Variants in SPSB4 observed in about 807,000 individuals in gnomAD.
SPSB4 encodes the protein splA/ryanodine receptor domain and SOCS box containing 4.
SPSB4 carries 21 observed loss-of-function variants against 20.9 expected under a neutral mutation model. The ratio of observed to expected loss-of-function variants is 1.01; its 90% CI spans 0.71 to 1.45. The LOEUF is 1.45. SPSB4 is among the 40% of genes most tolerant of loss of function. The pLI is 0.00. For missense variants in SPSB4, 399 were observed against 399.2 expected, an observed-to-expected ratio of 1.00 and a Z score of 0.00; for synonymous variants, 207 against 183.8, an observed-to-expected ratio of 1.13 and a Z score of -1.02.
At chr3:141,063,505 AT>A (rs1307707737) in intron 1 of SPSB4, among the ~76,000 whole-genome samples, 1 of 152,016 alleles carries the variant, frequency 6.6e-6, no homozygotes, top group Non-Finnish European at 1.5e-5. Context: ...GTGTATTTTT[AT>A]TTTTAGTTCT....
intron 2 of SPSB4, among the ~76,000 whole-genome samples, chr3:141,110,987 G>A (rs1406178809): frequency 6.6e-6 from 1 of 152,204 alleles, no homozygotes; most frequent in African/African-American, 2.4e-5. Flanking sequence ...ATGTAACAAA[G>A]TGGTTATAGA....
intron 2 of SPSB4, among the ~76,000 whole-genome samples, chr3:141,100,757 G>A (rs1024614058): frequency 1.1e-4 from 17 of 152,172 alleles, no homozygotes; most frequent in East Asian, 3.9e-4. Context: ...GTGGAGAGGC[G>A]GCAGGAGGGG....
chr3:141,139,849 G>A (rs548943215), intron 2 of SPSB4, among the ~76,000 whole-genome samples: 63 of 152,192 alleles, frequency 4.1e-4, no homozygotes, highest in African/African-American at 6.0e-4. Context: ...TCTTTGTGGC[G>A]TTCTCTATTT....
intron 2 of SPSB4, among the ~76,000 whole-genome samples, chr3:141,129,219 T>C (rs1939097253): frequency 6.6e-6 from 1 of 152,216 alleles, no homozygotes; most frequent in Admixed American, 6.5e-5. Flanking sequence ...TGTGGAGGTT[T>C]TGCCCATGCT....
chr3:141,094,925 T>C (rs4683555), intron 2 of SPSB4, among the ~76,000 whole-genome samples: 10,850 of 151,708 alleles, frequency 0.072, 763 homozygotes, highest in Admixed American at 0.22. Context: ...TTCCCTTGTC[T>C]CCGAGACCTC....
chr3:141,053,295 T>C (rs1488153609), intron 1 of SPSB4, among the ~76,000 whole-genome samples: 1 of 151,506 alleles, frequency 6.6e-6, no homozygotes. Context: ...AAACATCCTT[T>C]ACCCAAGGGC....
At chr3:141,145,483 A>G (rs2107809772) in intron 2 of SPSB4, among the ~76,000 whole-genome samples, 1 of 152,234 alleles carries the variant, frequency 6.6e-6, no homozygotes, top group Non-Finnish European at 1.5e-5. Context: ...AAAGTACTTC[A>G]CTGCAGGTTG....
At chr3:141,084,056 G>T (rs59179278) in intron 2 of SPSB4, among the ~76,000 whole-genome samples, 20,389 of 152,162 alleles carry the variant, frequency 0.13, 1,573 homozygotes, top group East Asian at 0.25. Flanking sequence ...ATGGCAGAGC[G>T]AGGTGGATGA....
intron 2 of SPSB4, among the ~76,000 whole-genome samples, chr3:141,130,203 A>G (rs1559855659): frequency 6.6e-6 from 1 of 152,174 alleles, no homozygotes; most frequent in Admixed American, 6.5e-5. Context: ...ACAGATGCAG[A>G]CCCTGAGGGC....
At chr3:141,076,175 A>G (rs1365630) in intron 2 of SPSB4, among the ~76,000 whole-genome samples, 49,432 of 152,204 alleles carry the variant, frequency 0.32, 12,662 homozygotes, top group African/African-American at 0.71. Flanking sequence ...GCCTGGGGTT[A>G]CCGAGCCTGG....
At chr3:141,063,087 C>T (rs192873070) in intron 1 of SPSB4, among the ~76,000 whole-genome samples, 89 of 152,260 alleles carry the variant, frequency 5.8e-4, no homozygotes, top group Middle Eastern at 3.4e-3. Flanking sequence ...AATTGTGGAT[C>T]GCATTCTTTA....
At chr3:141,090,690 G>A (rs1329161378) in intron 2 of SPSB4, among the ~76,000 whole-genome samples, 4 of 152,322 alleles carry the variant, frequency 2.6e-5, no homozygotes, top group African/African-American at 4.8e-5. Flanking sequence ...CAAGGATGAT[G>A]TTTGGCTTTT....
intron 1 of SPSB4, among the ~76,000 whole-genome samples, chr3:141,053,404 A>G (rs745747155): frequency 1.2e-4 from 19 of 152,224 alleles, no homozygotes; most frequent in Non-Finnish European, 2.4e-4. Context: ...ACAAAATTCA[A>G]CTTACTGGAC....
At chr3:141,091,140 T>A (rs1034058614) in intron 2 of SPSB4, among the ~76,000 whole-genome samples, 1 of 152,098 alleles carries the variant, frequency 6.6e-6, no homozygotes, top group East Asian at 1.9e-4. Context: ...CATGAGGAGG[T>A]TCTGTGTGGA....
intron 1 of SPSB4, among the ~76,000 whole-genome samples, chr3:141,052,741 G>C (rs1333422094): frequency 1.3e-5 from 2 of 152,336 alleles, no homozygotes; most frequent in Non-Finnish European, 2.9e-5. Flanking sequence ...CTCGGGAAGG[G>C]AGGGGGTTGG....
intron 1 of SPSB4, among the ~76,000 whole-genome samples, chr3:141,057,832 T>C (rs990819998): frequency 6.6e-6 from 1 of 152,224 alleles, no homozygotes; most frequent in African/African-American, 2.4e-5. Flanking sequence ...GAAAGTAATA[T>C]GCAGTCTATA....
At chr3:141,056,487 G>T (rs982466446) in intron 1 of SPSB4, among the ~76,000 whole-genome samples, 1 of 152,168 alleles carries the variant, frequency 6.6e-6, no homozygotes, top group Non-Finnish European at 1.5e-5. Flanking sequence ...CTTAACAGAG[G>T]GATCTTCAGA....
At chr3:141,071,165 C>G (rs1469124052) in intron 2 of SPSB4, among the ~76,000 whole-genome samples, 8 of 152,210 alleles carry the variant, frequency 5.3e-5, no homozygotes, top group Admixed American at 5.2e-4. Context: ...GCAAATGTCT[C>G]GACTGCTGTG....
At chr3:141,069,421 G>A (rs1309808942) in intron 2 of SPSB4, among the ~76,000 whole-genome samples, 1 of 152,194 alleles carries the variant, frequency 6.6e-6, no homozygotes, top group African/African-American at 2.4e-5. Context: ...CAGGGAAGGT[G>A]ACCCAAGGTG....
Sources: gnomAD v4.1 joint callset for allele counts (sites outside exome capture counted in the v4.1 genomes callset) on GRCh38, gnomAD v4.1.1 for gene constraint, MANE v1.5 for transcripts, NCBI Gene and HGNC (gene_info 2026-07-23, HGNC 2026-07-21) for gene names.